The following RUNDC3B variants were observed in gnomAD, a reference collection of about 807,000 sequenced individuals.
RUNDC3B encodes RUN domain-containing protein 3B.
A neutral mutation model predicts 58.4 loss-of-function variants in RUNDC3B; 33 were observed. The ratio of observed to expected loss-of-function variants is 0.56; its 90% CI spans 0.43 to 0.75. RUNDC3B has a LOEUF of 0.75. Among genes scored for constraint, RUNDC3B ranks in the 30% least tolerant of loss-of-function variants. The pLI is 0.00. For synonymous variants in RUNDC3B, 193 were observed against 195.2 expected, an observed-to-expected ratio of 0.99 and a Z score of 0.10; for missense variants, 501 against 535.7, an observed-to-expected ratio of 0.94 and a Z score of 0.64.
At chr7:87,670,701 A>G (rs1585054180) in intron 2 of RUNDC3B, among the ~76,000 whole-genome samples, 1 of 152,084 alleles carries the variant, frequency 6.6e-6, no homozygotes, top group South Asian at 2.1e-4. Flanking sequence ...TCTTTATTTG[A>G]AGCTGACTTC....
intron 4 of RUNDC3B, among the ~76,000 whole-genome samples, chr7:87,722,648 G>A (rs1330331136): frequency 6.6e-6 from 1 of 152,138 alleles, no homozygotes; most frequent in Non-Finnish European, 1.5e-5. Flanking sequence ...CTTATGAAGA[G>A]TACCAAGTGG....
At chr7:87,737,908 C>T (rs1464461043) in intron 4 of RUNDC3B, among the ~76,000 whole-genome samples, 5 of 152,046 alleles carry the variant, frequency 3.3e-5, no homozygotes, top group Admixed American at 3.3e-4. Context: ...TATGCACACA[C>T]ATAAAAGACC....
chr7:87,736,548 C>T lies in RUNDC3B; in HGVS notation c.459-3243C>T, dbSNP rs184999692. ...TAATCAACATATAAATACTTGGAAA[C>T]GGTGGTATACCTAATAAGATCAGGA... On this transcript the variant is annotated intron_variant, in intron 4 of 10. Coordinates refer to ENST00000394654, the MANE Select transcript of RUNDC3B (RefSeq NM_001134405.2). Among the ~76,000 whole-genome samples the T allele has an allele frequency of 6.0e-3, 911 of 151,562 alleles. 40 individuals are homozygous for T. The highest frequency in any genetic ancestry group is 0.055 in the Admixed American group (831 of 15,206).
chr7:87,691,760 T>G (rs1026408945), intron 2 of RUNDC3B, among the ~76,000 whole-genome samples: 2 of 152,208 alleles, frequency 1.3e-5, no homozygotes, highest in East Asian at 1.9e-4. Flanking sequence ...CAGTGAGAAC[T>G]CTAACCAACC....
chr7:87,687,898 A>C (rs1218740380), intron 2 of RUNDC3B, among the ~76,000 whole-genome samples: 1 of 152,220 alleles, frequency 6.6e-6, no homozygotes, highest in Non-Finnish European at 1.5e-5. Context: ...GGATAATCAT[A>C]AACCTGTTCA....
chr7:87,807,350 A>G (rs1441195364), intron 8 of RUNDC3B, 23 bp from the exon 9 acceptor site: 4 of 1,612,294 alleles, frequency 2.5e-6, no homozygotes, highest in Non-Finnish European at 3.4e-6. Context: ...AGACAAAAGC[A>G]CTCACCATCT....
chr7:87,748,852 C>G (rs1206996094), intron 6 of RUNDC3B, among the ~76,000 whole-genome samples: 1 of 152,102 alleles, frequency 6.6e-6, no homozygotes, highest in Non-Finnish European at 1.5e-5. Flanking sequence ...ACCGTGATTT[C>G]TAATTTGGGT....
intron 1 of RUNDC3B, among the ~76,000 whole-genome samples, chr7:87,642,997 C>G (rs549923050): frequency 1.3e-5 from 2 of 152,112 alleles, no homozygotes; most frequent in African/African-American, 4.8e-5. Context: ...CCCACTGTAA[C>G]CTTGAATTCC....
At chr7:87,693,807 A>G in intron 2 of RUNDC3B, 8 of 1,080,476 alleles carry the variant, frequency 7.4e-6, no homozygotes, top group Non-Finnish European at 1.1e-5. Context: ...CTTCAAAATT[A>G]TATGTAGCCA....
intron 4 of RUNDC3B, among the ~76,000 whole-genome samples, chr7:87,715,370 T>C (rs1830483730): frequency 1.6e-5 from 2 of 128,670 alleles, no homozygotes; most frequent in Non-Finnish European, 3.2e-5. Context: ...TAATTTATAA[T>C]AATTATATAA....
chr7:87,650,863 C>T lies in RUNDC3B; in HGVS notation c.164C>T (p.Thr55Ile), dbSNP rs765170729. 3.7e-6 allele frequency: 6 copies of T among 1,612,646 alleles called. No homozygotes were observed. The Admixed American group carries it at 1.0e-4, about 27-fold the overall frequency. The change falls in exon 2 of 11, where the codon ACA becomes ATA. Residue 55 changes from threonine (T) to isoleucine (I), a missense_variant. Coordinates refer to ENST00000394654, the MANE Select transcript of RUNDC3B (RefSeq NM_001134405.2). ...KTLIDRSCFE[T>I]IDDSSPEFNN... ...CTGATTGATCGGTCTTGCTTTGAGA[C>T]AATTGATGATTCTTCTCCTGAATTT...
intron 4 of RUNDC3B, among the ~76,000 whole-genome samples, chr7:87,714,797 C>T (rs1158947304): frequency 1.3e-5 from 2 of 151,960 alleles, no homozygotes; most frequent in South Asian, 2.1e-4. Context: ...CGTTTATAGG[C>T]TCTCCACAAG....
At chr7:87,674,749 G>A (rs779069754) in intron 2 of RUNDC3B, among the ~76,000 whole-genome samples, 3 of 152,138 alleles carry the variant, frequency 2.0e-5, no homozygotes, top group African/African-American at 2.4e-5. Context: ...ATCTGAGGCC[G>A]CATTGCAAGT....
chr7:87,807,418 T>C lies in RUNDC3B; in HGVS notation c.1002T>C (p.Thr334=). The part of the protein sequence containing the change: ...NNDLRSRQEL[T]AHLTNQWPSP... The stretch of plus-strand genomic sequence containing the variant: ...ATTTAAGATCGAGACAAGAGTTAAC[T>C]GCCCATCTCACCAACCAGTGGCCTT... Residue 334 remains threonine, a synonymous_variant, in exon 9 of 11, where the codon ACT becomes ACC. Transcript: ENST00000394654. 1 of 1,613,666 alleles carries C rather than the reference T, an allele frequency of 6.2e-7. No homozygotes were observed. Among genetic ancestry groups the C allele is most frequent in the Non-Finnish European group, 8.5e-7 (1 of 1,179,596 alleles).
At position 87,745,512 on chromosome 7, in the gene RUNDC3B, G is replaced by A. The variant is rs181872892; in HGVS notation, c.629+3933G>A. On this transcript the variant is annotated intron_variant, in intron 6 of 10. Transcript: ENST00000394654. The stretch of plus-strand genomic sequence containing the variant: ...CCTGCTTGTTATTGGTCTGTTCAGC[G>A]TATCTAATTCTTCCTGAAATAAGCT... Among the ~76,000 whole-genome samples the A allele has an allele frequency of 0.02, 3,112 of 152,096 alleles. 230 individuals are homozygous for A. The East Asian group carries it at 0.25, about 12-fold the overall frequency.
At chr7:87,670,264 T>A (rs1466212382) in intron 2 of RUNDC3B, among the ~76,000 whole-genome samples, 1 of 152,248 alleles carries the variant, frequency 6.6e-6, no homozygotes, top group Admixed American at 6.5e-5. Context: ...TTTCTTCTGC[T>A]GTCAATACTT....
intron 3 of RUNDC3B, 137 bp from the exon 4 acceptor site, chr7:87,710,433 C>T (rs1829973577): frequency 5.1e-6 from 3 of 587,262 alleles, no homozygotes; most frequent in East Asian, 6.2e-5. Context: ...TTTTTATCTA[C>T]TTAAACATTT....
intron 6 of RUNDC3B, among the ~76,000 whole-genome samples, chr7:87,752,821 A>C (rs1482865028): frequency 6.6e-6 from 1 of 152,004 alleles, no homozygotes; most frequent in Non-Finnish European, 1.5e-5. Context: ...CCTTTCAAAA[A>C]ACCAGCTCCT....
intron 4 of RUNDC3B, among the ~76,000 whole-genome samples, chr7:87,720,776 A>AT (rs1658021244): frequency 6.6e-6 from 1 of 150,930 alleles, no homozygotes; most frequent in Admixed American, 6.6e-5. Flanking sequence ...AATTTTTTGT[A>AT]TTTTTAGTAG....
Sources: allele counts gnomAD v4.1 joint callset (sites outside exome capture counted in the v4.1 genomes callset), GRCh38; gene constraint gnomAD v4.1.1; transcripts MANE v1.5; gene names NCBI Gene and HGNC (gene_info 2026-07-23, HGNC 2026-07-21).